FUT8: variants seen among roughly 807,000 people sequenced by gnomAD.
The protein encoded by FUT8 is alpha-(1,6)-fucosyltransferase.
Under a neutral mutation model 71.3 loss-of-function variants are expected in FUT8, and 29 were observed. The observed-to-expected ratio is 0.41, with a 90% CI of 0.30 to 0.55. The LOEUF (loss-of-function observed/expected upper bound fraction) is 0.55. FUT8 is among the 20% of genes least tolerant of loss of function. FUT8 has a pLI of 0.34. For missense variants in FUT8, 544 were observed against 702.1 expected (o/e 0.77, Z 2.55); for synonymous variants, 254 against 239.3 (o/e 1.06, Z -0.57).
chr14:65,734,106 T>C (rs1896107781), intron 10 of FUT8, among the ~76,000 whole-genome samples: 1 of 152,146 alleles, frequency 6.6e-6, no homozygotes, highest in African/African-American at 2.4e-5. Flanking sequence ...GCACTCAAAA[T>C]TATACTAGGT....
At chr14:65,682,341 A>T (rs1893076060) in intron 7 of FUT8, among the ~76,000 whole-genome samples, 1 of 152,112 alleles carries the variant, frequency 6.6e-6, no homozygotes, top group Non-Finnish European at 1.5e-5. Flanking sequence ...GTCTCTTAAA[A>T]ATAAAATTTT....
At chr14:65,694,936 T>C (rs111571504) in intron 7 of FUT8, among the ~76,000 whole-genome samples, 10 of 150,040 alleles carry the variant, frequency 6.7e-5, no homozygotes, top group African/African-American at 9.8e-5. Flanking sequence ...GAGATATACC[T>C]AATGCTAAGT....
chr14:65,650,071 C>T (rs547439086), intron 6 of FUT8, among the ~76,000 whole-genome samples: 26 of 151,958 alleles, frequency 1.7e-4, no homozygotes, highest in African/African-American at 5.3e-4. Flanking sequence ...CCAAGGCGGG[C>T]GGATCACGAG....
chr14:65,397,752 T>C, the FUT8 span, among the ~76,000 whole-genome samples: 5 of 152,388 alleles, frequency 3.3e-5, no homozygotes, highest in East Asian at 9.6e-4. This position sits in a 1 kb window ranked among gnomAD's most constrained non-coding sequence, Gnocchi z 4.2. Flanking sequence ...ATAATTATCT[T>C]CCTTGTTTTT....
the FUT8 span, among the ~76,000 whole-genome samples, chr14:65,397,987 G>T: frequency 7.9e-5 from 12 of 152,114 alleles, no homozygotes; most frequent in Non-Finnish European, 1.2e-4. The surrounding 1 kb of genome is among the most constrained non-coding windows in gnomAD (Gnocchi z 4.2). Flanking sequence ...CTTAAGTAAG[G>T]ACTTGCTGCT....
chr14:65,432,322 G>A (rs1221415555), intron 1 of FUT8, among the ~76,000 whole-genome samples: 1 of 151,554 alleles, frequency 6.6e-6, no homozygotes, highest in Non-Finnish European at 1.5e-5. Flanking sequence ...TCATCTAATT[G>A]TCATGCTGTC....
chr14:65,554,745 G>C (rs908260822), intron 2 of FUT8, among the ~76,000 whole-genome samples: 1 of 152,034 alleles, frequency 6.6e-6, no homozygotes, highest in South Asian at 2.1e-4. Flanking sequence ...TGGAGCCTCG[G>C]TGCTGGAGTC....
chr14:65,565,836 A>G (rs1886164681), intron 3 of FUT8, among the ~76,000 whole-genome samples: 1 of 151,864 alleles, frequency 6.6e-6, no homozygotes. Flanking sequence ...CATTTCACCA[A>G]AGAATCTGTT....
Position 65,483,799 on chromosome 14 carries a change from A to G in FUT8, c.-228+28081A>G, listed in dbSNP as rs535592859. Among the ~76,000 whole-genome samples the G allele has an allele frequency of 6.6e-6, 1 of 151,798 alleles. No homozygotes were observed. Among genetic ancestry groups the G allele is most frequent in the Non-Finnish European group, 1.5e-5 (1 of 67,950 alleles). On this transcript the variant is annotated intron_variant, in intron 2 of 10. Transcript: ENST00000673929. This position sits in a 1 kb window ranked among gnomAD's most constrained non-coding sequence, Gnocchi z 4.4. ...CCAGGCTGGAGTGTGGTGGCATGATATCAGCTCACTGCAACCTTCACCTTC... is the reference window on the plus strand; with the variant it reads ...CCAGGCTGGAGTGTGGTGGCATGATGTCAGCTCACTGCAACCTTCACCTTC...
chr14:65,729,513 G>A (rs1299691663), intron 9 of FUT8, among the ~76,000 whole-genome samples: 1 of 147,018 alleles, frequency 6.8e-6, no homozygotes, highest in African/African-American at 2.5e-5. Flanking sequence ...GTATTTAGAT[G>A]CAAGGATATA....
At chr14:65,544,424 C>G (rs986052764) in intron 2 of FUT8, among the ~76,000 whole-genome samples, 1 of 151,948 alleles carries the variant, frequency 6.6e-6, no homozygotes, top group African/African-American at 2.4e-5. Context: ...CATCATGGTG[C>G]CAATCAAGTA....
At chr14:65,388,717 G>T in the FUT8 span, among the ~76,000 whole-genome samples, 768 of 152,132 alleles carry the variant, frequency 5.0e-3, no homozygotes, top group Non-Finnish European at 8.0e-3. Context: ...AGCTGAGATC[G>T]CGCCACTGCA....
At chr14:65,593,269 TAA>T (rs568189771) in intron 3 of FUT8, among the ~76,000 whole-genome samples, 10 of 152,334 alleles carry the variant, frequency 6.6e-5, no homozygotes, top group Admixed American at 2.6e-4. Context: ...CTTAAAGTGA[TAA>T]AGAGTAGTTT....
chr14:65,439,954 G>GTGTATGTATATATATATATATA, intron 1 of FUT8, among the ~76,000 whole-genome samples: 3 of 74,972 alleles, frequency 4.0e-5, no homozygotes, highest in South Asian at 5.9e-4. Context: ...GTGTGTGTGT[G>GTGTATGTATATATATATATATA]TATATATATA....
chr14:65,528,051 G>A (rs1381790084), intron 2 of FUT8, among the ~76,000 whole-genome samples: 3 of 152,180 alleles, frequency 2.0e-5, no homozygotes, highest in African/African-American at 4.8e-5. Context: ...CTCTGTGCTG[G>A]GAGAACCACT....
At chr14:65,695,365 T>A (rs74058562) in intron 7 of FUT8, among the ~76,000 whole-genome samples, 2,068 of 152,304 alleles carry the variant, frequency 0.014, 43 homozygotes, top group East Asian at 0.093. Flanking sequence ...ACATATTAGG[T>A]ATAATTGTGT....
chr14:65,549,340 A>G (rs1885153857), intron 2 of FUT8, among the ~76,000 whole-genome samples: 1 of 151,566 alleles, frequency 6.6e-6, no homozygotes, highest in African/African-American at 2.4e-5. Context: ...TTTTAAAAAG[A>G]TGTTGTCCCA....
chr14:65,423,434 TG>T (rs1302507425), intron 1 of FUT8, among the ~76,000 whole-genome samples: 2 of 152,006 alleles, frequency 1.3e-5, no homozygotes, highest in African/African-American at 4.8e-5. Context: ...GCTAATTTTT[TG>T]TATTTTTAGT....
chr14:65,493,685 C>T (rs1020109343), intron 2 of FUT8, among the ~76,000 whole-genome samples: 1 of 151,924 alleles, frequency 6.6e-6, no homozygotes, highest in Non-Finnish European at 1.5e-5. Flanking sequence ...ATAATTTGCC[C>T]AGCAAAAGGT....
Sources: allele counts gnomAD v4.1 joint callset (sites outside exome capture counted in the v4.1 genomes callset), GRCh38; gene constraint gnomAD v4.1.1; non-coding constraint Gnocchi (gnomAD v3.1); transcripts MANE v1.5; gene names NCBI Gene and HGNC (gene_info 2026-07-23, HGNC 2026-07-21).